TTC29: variants seen among roughly 807,000 people sequenced by gnomAD.
TTC29 encodes tetratricopeptide repeat domain 29, also known as tetratricopeptide repeat protein 29.
A neutral mutation model predicts 58.1 loss-of-function variants in TTC29; 49 were observed. The ratio of observed to expected loss-of-function variants is 0.84; its 90% CI spans 0.67 to 1.07. The LOEUF (loss-of-function observed/expected upper bound fraction) is 1.07. TTC29 is among the 50% of genes least tolerant of loss of function. The probability of loss-of-function intolerance (pLI) is 0.00; values close to 1 mark genes in which losing one functional copy is unlikely to be tolerated. For missense variants in TTC29, 582 were observed against 555.6 expected (o/e 1.05, Z -0.48); for synonymous variants, 209 against 196.8 (o/e 1.06, Z -0.52).
chr4:146,892,050 T>G (rs1041929772), intron 6 of TTC29, among the ~76,000 whole-genome samples: 2 of 152,136 alleles, frequency 1.3e-5, no homozygotes, highest in Non-Finnish European at 2.9e-5. Flanking sequence ...CTCCCAAATC[T>G]AATGTCAAAT....
At chr4:146,748,338 G>A (rs868030550) in intron 11 of TTC29, among the ~76,000 whole-genome samples, 4 of 152,250 alleles carry the variant, frequency 2.6e-5, no homozygotes, top group South Asian at 2.1e-4. Flanking sequence ...TCATGTCTTG[G>A]AGAGTGAGCC....
chr4:146,831,504 G>A (rs1483149357), intron 9 of TTC29: 1 of 179,728 alleles, frequency 5.6e-6, no homozygotes, highest in African/African-American at 2.3e-5. Context: ...GCAGGCTGCT[G>A]AGAGTGTTGG....
At chr4:146,839,616 AC>A (rs1305631638) in intron 8 of TTC29, among the ~76,000 whole-genome samples, 2 of 151,334 alleles carry the variant, frequency 1.3e-5, no homozygotes, top group Non-Finnish European at 3.0e-5. Context: ...TCATGTAGCC[AC>A]CACTGCAATC....
intron 11 of TTC29, among the ~76,000 whole-genome samples, chr4:146,758,294 T>G (rs140907941): frequency 6.6e-6 from 1 of 152,246 alleles, no homozygotes; most frequent in Non-Finnish European, 1.5e-5. Context: ...TATATCACAA[T>G]TCTAAACATA....
chr4:146,920,228 G>GA (rs1479719999), intron 4 of TTC29, among the ~76,000 whole-genome samples: 1 of 150,824 alleles, frequency 6.6e-6, no homozygotes, highest in African/African-American at 2.4e-5. Flanking sequence ...ACCTTTTCAA[G>GA]AAAAAACCTT....
chr4:146,873,877 A>G (rs1469949266), intron 7 of TTC29, among the ~76,000 whole-genome samples: 2 of 152,196 alleles, frequency 1.3e-5, no homozygotes, highest in African/African-American at 2.4e-5. Context: ...TTAATAAACC[A>G]ATCAATTAAA....
At chr4:146,834,651 A>G (rs567876824) in intron 8 of TTC29, among the ~76,000 whole-genome samples, 1 of 152,326 alleles carries the variant, frequency 6.6e-6, no homozygotes, top group South Asian at 2.1e-4. Context: ...AAATCTCCAA[A>G]GACCTCTATG....
rs70958528 is a variant in TTC29 at position 146,797,832 on chromosome 4, T to TTATATATATATA, written c.1330+5613_1330+5624dup. On this transcript the variant is annotated intron_variant, in intron 11 of 12. Transcript: ENST00000325106. Reference sequence around the variant, plus strand: ...ACAACTGGCCACTGATTACTTTGTTTTATATATATATATATATATATATAT... The same window carrying TTATATATATATA: ...ACAACTGGCCACTGATTACTTTGTTTTATATATATATATATATATATATATATATATATATAT... Among the ~76,000 whole-genome samples the TTATATATATATA allele has an allele frequency of 7.5e-3, 975 of 129,880 alleles. 1 individual carries two copies. Among genetic ancestry groups the TTATATATATATA allele is most frequent in the East Asian group, 0.02 (86 of 4,282 alleles). 85.2% of individuals were successfully genotyped at this position (129,880 alleles called of 152,430 possible).
chr4:146,772,610 A>T (rs551159792), intron 11 of TTC29, among the ~76,000 whole-genome samples: 1 of 152,048 alleles, frequency 6.6e-6, no homozygotes, highest in South Asian at 2.1e-4. Context: ...GTACCATGTG[A>T]TTTTGGTTAC....
At chr4:146,755,764 A>G (rs778650220) in intron 11 of TTC29, among the ~76,000 whole-genome samples, 15 of 152,114 alleles carry the variant, frequency 9.9e-5, no homozygotes, top group Non-Finnish European at 1.3e-4. Context: ...TGTTTTTAAA[A>G]TACTCTTTAA....
At chr4:146,791,132 G>T (rs1007603745) in intron 11 of TTC29, among the ~76,000 whole-genome samples, 1 of 152,156 alleles carries the variant, frequency 6.6e-6, no homozygotes, top group Non-Finnish European at 1.5e-5. Flanking sequence ...AATATAGATT[G>T]TTCCATTTAT....
chr4:146,788,316 C>T (rs1297331741), intron 11 of TTC29, among the ~76,000 whole-genome samples: 3 of 152,146 alleles, frequency 2.0e-5, no homozygotes, highest in Admixed American at 2.0e-4. Flanking sequence ...GGGAGAATGC[C>T]CCTGTGACAG....
At chr4:146,882,368 G>A (rs1731686485) in intron 6 of TTC29, among the ~76,000 whole-genome samples, 1 of 152,014 alleles carries the variant, frequency 6.6e-6, no homozygotes, top group African/African-American at 2.4e-5. Context: ...AAAATTTATT[G>A]AAAAATGTAA....
chr4:146,848,985 T>G (rs1729350556), intron 8 of TTC29, among the ~76,000 whole-genome samples: 1 of 152,202 alleles, frequency 6.6e-6, no homozygotes, highest in Admixed American at 6.5e-5. Context: ...TATTCCAGTC[T>G]TGTTCTTCTT....
intron 7 of TTC29, among the ~76,000 whole-genome samples, chr4:146,873,861 T>C (rs1351412041): frequency 6.6e-6 from 1 of 152,192 alleles, no homozygotes; most frequent in Non-Finnish European, 1.5e-5. Flanking sequence ...ATAAGCCATC[T>C]ATTACTTAAT....
chr4:146,775,634 T>G (rs1171320749), intron 11 of TTC29, among the ~76,000 whole-genome samples: 3 of 151,988 alleles, frequency 2.0e-5, no homozygotes, highest in African/African-American at 7.3e-5. Flanking sequence ...GTTAGCCCAA[T>G]GGGGTTCTCT....
chr4:146,727,855 C>T (rs184260864), intron 11 of TTC29, among the ~76,000 whole-genome samples: 66 of 152,248 alleles, frequency 4.3e-4, no homozygotes, highest in Middle Eastern at 3.4e-3. Flanking sequence ...TGAATAAATA[C>T]GAAGGAGCAT....
chr4:146,874,815 G>C lies in TTC29; in HGVS notation c.700C>G (p.Leu234Val). ...TCTGAGAGTAATCTGTAAGTCCTCAGGAGACTCTCACAGGCCAACAAGTTG... is the reference window on the plus strand; with the variant it reads ...TCTGAGAGTAATCTGTAAGTCCTCACGAGACTCTCACAGGCCAACAAGTTG... ...SLNLLACESL[L>V]RTYRLLSDKM... The change falls in exon 7 of 13, where the codon CTG (leucine) becomes GTG (valine). Residue 234 changes from leucine (L) to valine (V), a missense_variant. Transcript: ENST00000325106. 6.2e-7 allele frequency: 1 copy of C among 1,613,010 alleles called. No individual in the cohort carries two copies. The highest frequency in any genetic ancestry group is 8.5e-7 in the Non-Finnish European group (1 of 1,179,564).
In TTC29 at chr4:146,846,399, G is replaced by C. The variant is rs187602505; in HGVS notation, c.886-12502C>G. ...GACTGAACCACGTTACAATAGTCCT[G>C]GTATTTGGAACGATTCTTCTTATCT... On this transcript the variant is annotated intron_variant, in intron 8 of 12. Transcript: ENST00000325106. 3.1e-3 allele frequency among the ~76,000 whole-genome samples: 477 copies of C among 152,164 alleles called. 2 individuals are homozygous for C. Among genetic ancestry groups the C allele is most frequent in the Middle Eastern group, 0.014 (4 of 294 alleles).
Sources: gnomAD v4.1 joint callset for allele counts (sites outside exome capture counted in the v4.1 genomes callset) on GRCh38, gnomAD v4.1.1 for gene constraint, MANE v1.5 for transcripts, NCBI Gene and HGNC (gene_info 2026-07-23, HGNC 2026-07-21) for gene names.